PDGFRB: variants seen among roughly 807,000 people sequenced by gnomAD.
The protein encoded by PDGFRB is platelet-derived growth factor receptor beta.
Under a neutral mutation model 120.2 loss-of-function variants are expected in PDGFRB, and 42 were observed. The observed-to-expected ratio is 0.35, with a 90% CI of 0.27 to 0.45. The LOEUF is 0.45. Ranked by LOEUF, PDGFRB falls within the 20% of genes least tolerant of loss-of-function variation. The probability of loss-of-function intolerance (pLI) is 1.00; values close to 1 mark genes in which losing one functional copy is unlikely to be tolerated. For synonymous variants in PDGFRB, 586 were observed against 606.8 expected, an observed-to-expected ratio of 0.97 and a Z score of 0.50; for missense variants, 1,149 against 1,476.3, an observed-to-expected ratio of 0.78 and a Z score of 3.63.
At chr5:150,155,010 T>A (rs1001576144) in intron 1 of PDGFRB, among the ~76,000 whole-genome samples, 1 of 152,014 alleles carries the variant, frequency 6.6e-6, no homozygotes, top group Non-Finnish European at 1.5e-5. Context: ...GGTCCTGAGG[T>A]CCCCAGTCCC....
At chr5:150,134,691 T>C in intron 4 of PDGFRB, 59 bp downstream of exon 4, 1 of 1,498,320 alleles carries the variant, frequency 6.7e-7, no homozygotes, top group South Asian at 1.3e-5. Flanking sequence ...TAAAGGGCTA[T>C]TCCTCTGTGG....
intron 1 of PDGFRB, among the ~76,000 whole-genome samples, chr5:150,139,905 A>C (rs1466531630): frequency 6.6e-6 from 1 of 151,738 alleles, no homozygotes; most frequent in Non-Finnish European, 1.5e-5. Context: ...GCTTGAACCC[A>C]GGAGGCGGAG....
intron 6 of PDGFRB, among the ~76,000 whole-genome samples, chr5:150,133,181 G>A (rs764975113): frequency 2.6e-5 from 4 of 152,212 alleles, no homozygotes; most frequent in Non-Finnish European, 5.9e-5. Context: ...ACAGTTCTCT[G>A]TTCTGGGTCA....
rs1286124529 is a variant in PDGFRB at position 150,114,781 on chromosome 5, G to A, written c.*982C>T. 4.3e-6 allele frequency: 1 copy of A among 233,538 alleles called. No homozygotes were observed. The highest frequency in any genetic ancestry group is 8.5e-6 in the Non-Finnish European group (1 of 118,020). 14.5% of individuals were successfully genotyped at this position (233,538 alleles called of 1,614,324 possible). A position where few individuals can be genotyped will look rare whatever the true frequency, so the allele number is the denominator to read the frequency against. On this transcript the variant is annotated 3_prime_UTR_variant, in exon 23 of 23. Transcript: ENST00000261799. ...TACTCTAGAATGTTAGTGCTGGCAAGGCACTCAGAGTTAATAAGTCCGACT... is the reference window on the plus strand; with the variant it reads ...TACTCTAGAATGTTAGTGCTGGCAAAGCACTCAGAGTTAATAAGTCCGACT...
At chr5:150,130,077 A>G (rs1157369840) in intron 9 of PDGFRB, 109 bp from the exon 10 acceptor site, 2 of 867,036 alleles carry the variant, frequency 2.3e-6, no homozygotes, top group Non-Finnish European at 3.8e-6. Flanking sequence ...CCTATGTCCC[A>G]CTGCCTGTTT....
chr5:150,130,793 T>C lies in PDGFRB; in HGVS notation c.1244-131A>G. 3.9e-6 allele frequency: 3 copies of C among 761,494 alleles called. No homozygotes were observed. The South Asian group carries it at 4.6e-5, about 12-fold the overall frequency. 47.2% of individuals were successfully genotyped at this position (761,494 alleles called of 1,614,324 possible). A position where few individuals can be genotyped will look rare whatever the true frequency, so the allele number is the denominator to read the frequency against. On this transcript the variant is annotated intron_variant, in intron 8 of 22. Transcript: ENST00000261799. The stretch of plus-strand genomic sequence containing the variant: ...CTGTAGACTGCAGGTGAACATTAAA[T>C]ACCAGGAATCAGTGTGAAAACCGAT...
At chr5:150,116,277 A>C (rs1380643977) in intron 22 of PDGFRB, among the ~76,000 whole-genome samples, 1 of 152,176 alleles carries the variant, frequency 6.6e-6, no homozygotes, top group Non-Finnish European at 1.5e-5. Context: ...AATCCTTGCA[A>C]TGACCGCCTA....
In PDGFRB at chr5:150,120,357, T is replaced by C. The variant is rs1188646585; in HGVS notation, c.2587-234A>G. On this transcript the variant is annotated intron_variant, in intron 18 of 22. Coordinates refer to ENST00000261799, the MANE Select transcript of PDGFRB (RefSeq NM_002609.4). The surrounding 1 kb of genome is among the most constrained non-coding windows in gnomAD (Gnocchi z 4.3). Reference sequence around the variant, plus strand: ...CTGGGGACAAGGCAGCCCCTGTCCCTGGGGAAAAGCCCCAGGGTCTGAGTA... The same window carrying C: ...CTGGGGACAAGGCAGCCCCTGTCCCCGGGGAAAAGCCCCAGGGTCTGAGTA... Among the ~76,000 whole-genome samples, 1 of 152,166 alleles carries C rather than the reference T, an allele frequency of 6.6e-6. No homozygotes were observed. The highest frequency in any genetic ancestry group is 2.4e-5 in the African/African-American group (1 of 41,432).
intron 14 of PDGFRB, 46 bp from the exon 15 acceptor site, chr5:150,123,247 C>G: frequency 2.0e-6 from 3 of 1,523,974 alleles, no homozygotes; most frequent in Non-Finnish European, 1.8e-6. Flanking sequence ...AGGCCTCAGG[C>G]GTCCCTTCAA....
At chr5:150,142,840 T>A (rs1393946749) in intron 1 of PDGFRB, among the ~76,000 whole-genome samples, 3 of 152,194 alleles carry the variant, frequency 2.0e-5, no homozygotes, top group African/African-American at 7.2e-5. Context: ...GTCATGTGAC[T>A]GTGTTCTCTC....
At chr5:150,145,947 C>T (rs1362072741) in intron 1 of PDGFRB, among the ~76,000 whole-genome samples, 2 of 152,204 alleles carry the variant, frequency 1.3e-5, no homozygotes, top group Non-Finnish European at 2.9e-5. Flanking sequence ...CTTCTCCTTT[C>T]ACTCTTTCAC....
intron 1 of PDGFRB, among the ~76,000 whole-genome samples, chr5:150,142,257 G>C (rs897634466): frequency 6.6e-6 from 1 of 152,288 alleles, no homozygotes; most frequent in Non-Finnish European, 1.5e-5. Flanking sequence ...ACCTGGCTGC[G>C]CAGCTCCCCG....
intron 6 of PDGFRB, among the ~76,000 whole-genome samples, 172 bp downstream of exon 6, chr5:150,133,414 G>C (rs1438896174): frequency 1.3e-5 from 2 of 152,146 alleles, no homozygotes; most frequent in Non-Finnish European, 2.9e-5. Flanking sequence ...AGCTAGGGCT[G>C]CACTGGAGTG....
chr5:150,118,896 G>A, intron 20 of PDGFRB, 44 bp from the exon 21 acceptor site: 1 of 1,255,606 alleles, frequency 8.0e-7, no homozygotes, highest in South Asian at 1.2e-5. Flanking sequence ...CCAGGGTTCA[G>A]GGGACAAGGC....
Position 150,136,480 on chromosome 5 carries a change from A to ATAC in PDGFRB, c.40+525_40+527dup, listed in dbSNP as rs1562014224. 3.9e-5 allele frequency among the ~76,000 whole-genome samples: 6 copies of ATAC among 152,268 alleles called. 1 individual carries two copies. The South Asian group carries it at 1.2e-3, about 32-fold the overall frequency. On this transcript the variant is annotated intron_variant, in intron 2 of 22. Coordinates refer to ENST00000261799, the MANE Select transcript of PDGFRB (RefSeq NM_002609.4). ...GCCACGCCCTCCATGCCCCCTGGTG[A>ATAC]TACAGATCAGGAGGGGAGGTGGGCG...
intron 1 of PDGFRB, among the ~76,000 whole-genome samples, chr5:150,143,199 GTTGT>G (rs1416503634): frequency 6.6e-6 from 1 of 152,264 alleles, no homozygotes; most frequent in African/African-American, 2.4e-5. Context: ...AAGCTTGTAA[GTTGT>G]TTATTTCTGG....
Position 150,132,661 on chromosome 5 carries a change from G to A in PDGFRB, c.1127+89C>T, listed in dbSNP as rs1760498831. 1 of 1,275,876 alleles carries A rather than the reference G, an allele frequency of 7.8e-7. No homozygotes were observed. Among genetic ancestry groups the A allele is most frequent in the South Asian group, 1.4e-5 (1 of 69,790 alleles). 79.0% of individuals were successfully genotyped at this position (1,275,876 alleles called of 1,614,324 possible). A position where few individuals can be genotyped will look rare whatever the true frequency, so the allele number is the denominator to read the frequency against. On this transcript the variant is annotated intron_variant, in intron 7 of 22. Transcript: ENST00000261799. The surrounding 1 kb of genome is among the most constrained non-coding windows in gnomAD (Gnocchi z 5.0). ...ACCTAATATGCTCTCAGAAAGCTGG[G>A]CCTAGGTTTGTGGCTGAAAGCCGAG...
chr5:150,117,532 GC>G lies in PDGFRB; in HGVS notation c.3137+85del, dbSNP rs1561983277. 1.5e-5 allele frequency: 9 copies of G among 618,824 alleles called. No individual in the cohort carries two copies. The African/African-American group carries it at 2.3e-4, about 16-fold the overall frequency. 38.3% of individuals were successfully genotyped at this position (618,824 alleles called of 1,614,324 possible). A position where few individuals can be genotyped will look rare whatever the true frequency, so the allele number is the denominator to read the frequency against. On this transcript the variant is annotated intron_variant, in intron 22 of 22. Coordinates refer to ENST00000261799, the MANE Select transcript of PDGFRB (RefSeq NM_002609.4). The stretch of plus-strand genomic sequence containing the variant: ...ACCTCTGAGGCAAACCTGGCAGCGC[GC>G]GCGCGCGCGCGCACACACACACACA...
intron 8 of PDGFRB, 30 bp from the exon 9 acceptor site, chr5:150,130,692 C>A (rs147756660): frequency 6.2e-7 from 1 of 1,609,628 alleles, no homozygotes; most frequent in Non-Finnish European, 8.5e-7. Flanking sequence ...AGTTAGGAGG[C>A]GGGAGGGTCA....
Sources: allele counts gnomAD v4.1 joint callset (sites outside exome capture counted in the v4.1 genomes callset), GRCh38; gene constraint gnomAD v4.1.1; non-coding constraint Gnocchi (gnomAD v3.1); transcripts MANE v1.5; gene names NCBI Gene and HGNC (gene_info 2026-07-23, HGNC 2026-07-21).